Variants in DNAH6 observed in about 807,000 individuals in gnomAD.
DNAH6 encodes axonemal beta dynein heavy chain 6.
DNAH6 carries 340 observed loss-of-function variants against 491.4 expected under a neutral mutation model. That is an observed-to-expected ratio of 0.69 (90% CI 0.63 to 0.76). DNAH6 has a LOEUF of 0.76. DNAH6 is among the 30% of genes least tolerant of loss of function. The pLI is 0.00. For missense variants in DNAH6, 4,443 were observed against 4,972.2 expected (o/e 0.89, Z 3.20); for synonymous variants, 1,603 against 1,686.1 (o/e 0.95, Z 1.21).
intron 56 of DNAH6, among the ~76,000 whole-genome samples, chr2:84,712,507 G>T (rs563179591): frequency 6.6e-6 from 1 of 152,334 alleles, no homozygotes; most frequent in East Asian, 1.9e-4. Flanking sequence ...TAGAATAGGG[G>T]TTCATAGACT....
At chr2:84,600,611 T>C (rs915989978) in intron 18 of DNAH6, among the ~76,000 whole-genome samples, 1 of 152,158 alleles carries the variant, frequency 6.6e-6, no homozygotes, top group Non-Finnish European at 1.5e-5. Context: ...TGGATTTGTC[T>C]GAGATTTTTC....
intron 43 of DNAH6, among the ~76,000 whole-genome samples, chr2:84,685,844 A>T (rs572290738): frequency 6.6e-6 from 1 of 152,266 alleles, no homozygotes; most frequent in African/African-American, 2.4e-5. Context: ...AATTTATTAT[A>T]AAGTTTTAAG....
intron 14 of DNAH6, among the ~76,000 whole-genome samples, chr2:84,583,427 G>A (rs996863548): frequency 6.6e-6 from 1 of 152,226 alleles, no homozygotes; most frequent in African/African-American, 2.4e-5. Flanking sequence ...GCTCAGCTCT[G>A]AATAATTTAC....
intron 58 of DNAH6, among the ~76,000 whole-genome samples, chr2:84,717,135 C>G (rs1697614085): frequency 6.6e-6 from 1 of 152,186 alleles, no homozygotes; most frequent in African/African-American, 2.4e-5. Flanking sequence ...CTGTCCACCT[C>G]CTTCTGTCTT....
chr2:84,503,328 A>G, the DNAH6 span, among the ~76,000 whole-genome samples: 1 of 152,132 alleles, frequency 6.6e-6, no homozygotes, highest in Non-Finnish European at 1.5e-5. Context: ...TTGTTTCTAG[A>G]TATATCTTAT....
chr2:84,607,353 C>G (rs1685873930), intron 21 of DNAH6, among the ~76,000 whole-genome samples: 1 of 152,086 alleles, frequency 6.6e-6, no homozygotes, highest in African/African-American at 2.4e-5. Flanking sequence ...TTCCAAACCA[C>G]CATGATAACC....
In DNAH6 at chr2:84,709,526, A is replaced by T. The variant is rs1696835901; in HGVS notation, c.9232A>T (p.Met3078Leu). The T allele has an allele frequency of 1.3e-6, 2 of 1,551,704 alleles. No homozygotes were observed. The highest frequency in any genetic ancestry group is 8.7e-7 in the Non-Finnish European group (1 of 1,147,006). ...TACTCAAGGCAGAAGATGGCCTTTGATGATTGATCCCCAAGATCAGGTGTG... is the reference window on the plus strand; with the variant it reads ...TACTCAAGGCAGAAGATGGCCTTTGTTGATTGATCCCCAAGATCAGGTGTG... ...LVTQGRRWPL[M>L]IDPQDQANRW... is the part of the protein sequence containing the mutation. The change falls in exon 55 of 77, where the codon ATG becomes TTG. Residue 3078 changes from methionine to leucine, a missense_variant. By Grantham distance (15) the Met-to-Leu change is conservative. This residue lies in a region of DNAH6 where 1,463 missense variants were observed against 1,656.6 expected (regional missense o/e 0.88). Coordinates refer to ENST00000389394, the MANE Select transcript of DNAH6 (RefSeq NM_001370.2).
At position 84,808,429 on chromosome 2, in the gene DNAH6, G is replaced by C. The variant is rs895959669; in HGVS notation, c.11626G>C (p.Glu3876Gln). The change falls in exon 72 of 77, where the codon GAG (glutamate) becomes CAG (glutamine). Residue 3876 changes from glutamate (E) to glutamine (Q), a missense_variant. Around this residue, in one of 3 missense-constraint regions of DNAH6, gnomAD observed 1,463 missense variants for 1,656.6 expected, o/e 0.88. Coordinates refer to ENST00000389394, the MANE Select transcript of DNAH6 (RefSeq NM_001370.2). ...GTATGTTTCAGAAAAACTGGAAATG[G>C]AGGGTGCTTCTGAGAGCCTTTTTGT... The part of the protein sequence containing the change: ...QTRVPEKLEM[E>Q]GASESLFVKD... 9.8e-6 allele frequency: 15 copies of C among 1,537,382 alleles called. No homozygotes were observed. The highest frequency in any genetic ancestry group is 1.7e-4 in the Middle Eastern group (1 of 5,938).
intron 9 of DNAH6, among the ~76,000 whole-genome samples, chr2:84,550,858 G>A (rs1679276397): frequency 6.6e-6 from 1 of 152,186 alleles, no homozygotes. Context: ...GAGGTGAAAA[G>A]AAGCAAATTA....
intron 41 of DNAH6, 83 bp downstream of exon 41, chr2:84,677,219 G>T (rs1004752722): frequency 6.6e-7 from 1 of 1,516,402 alleles, no homozygotes; most frequent in Admixed American, 2.0e-5. Flanking sequence ...GTGGTGTCTT[G>T]TGTTTCTAAG....
At chr2:84,818,943 C>T (rs1230864193) in intron 76 of DNAH6, among the ~76,000 whole-genome samples, 2 of 151,998 alleles carry the variant, frequency 1.3e-5, no homozygotes, top group African/African-American at 4.8e-5. Context: ...CATGGTGGTA[C>T]GCACCTATAG....
intron 35 of DNAH6, 131 bp from the exon 36 acceptor site, chr2:84,658,161 T>C: frequency 1.8e-6 from 1 of 543,026 alleles, no homozygotes; most frequent in East Asian, 3.3e-5. Flanking sequence ...GTTTAATATG[T>C]TGTGATAGTT....
intron 70 of DNAH6, among the ~76,000 whole-genome samples, chr2:84,798,618 C>G (rs1489828648): frequency 6.6e-6 from 1 of 152,168 alleles, no homozygotes; most frequent in Non-Finnish European, 1.5e-5. Flanking sequence ...CAAGACAGGC[C>G]CCACCACCAC....
chr2:84,751,775 T>G (rs1427566503), intron 63 of DNAH6, among the ~76,000 whole-genome samples: 3 of 152,186 alleles, frequency 2.0e-5, no homozygotes, highest in African/African-American at 7.2e-5. Flanking sequence ...TCAGAATCAT[T>G]TGGGGGTCTT....
chr2:84,653,570 G>T lies in DNAH6; in HGVS notation c.5330G>T (p.Gly1777Val). The T allele has an allele frequency of 6.4e-7, 1 of 1,551,234 alleles. No individual in the cohort carries two copies. The highest frequency in any genetic ancestry group is 8.7e-7 in the Non-Finnish European group (1 of 1,146,706). Residue 1777 changes from glycine (G) to valine (V), a missense_variant, in exon 34 of 77, where the codon GGG (glycine) becomes GTG (valine). Around this residue, in one of 3 missense-constraint regions of DNAH6, gnomAD observed 2,977 missense variants for 3,296.6 expected, o/e 0.90. Transcript: ENST00000389394. ...AETLGNLQKL[G>V]IENSFYQAVK... ...ACTTTAGGGAATTTACAAAAACTTG[G>T]GATAGAAAATTCCTTTTACCAAGCA...
intron 21 of DNAH6, among the ~76,000 whole-genome samples, chr2:84,610,165 T>C (rs1841421): frequency 6.6e-6 from 1 of 152,090 alleles, no homozygotes; most frequent in Admixed American, 6.6e-5. Flanking sequence ...AATCTCTTGC[T>C]GGCACTCAGC....
chr2:84,718,318 G>A lies in DNAH6; in HGVS notation c.9726G>A (p.Met3242Ile). The A allele has an allele frequency of 6.4e-7, 1 of 1,551,296 alleles. No individual in the cohort carries two copies. ...CTATCGAAGAGAAAATCCTGAGAAT[G>A]CTCTTTACCTCTGAAGGAAATATTC... is the stretch of plus-strand genomic sequence containing the variant. ...LKTIEEKILR[M>I]LFTSEGNILD... Residue 3242 changes from methionine (M) to isoleucine (I), a missense_variant, in exon 59 of 77, where the codon ATG (methionine) becomes ATA (isoleucine). Transcript: ENST00000389394.
chr2:84,721,829 T>C (rs891664875), intron 59 of DNAH6, among the ~76,000 whole-genome samples: 1 of 152,214 alleles, frequency 6.6e-6, no homozygotes, highest in Non-Finnish European at 1.5e-5. Flanking sequence ...TGATTTTTCA[T>C]GGTCCCTGCT....
chr2:84,560,080 G>A (rs1438697245), intron 11 of DNAH6, among the ~76,000 whole-genome samples: 2 of 152,154 alleles, frequency 1.3e-5, no homozygotes, highest in East Asian at 3.8e-4. Context: ...TATAATTGGT[G>A]TGTCTGTAAG....
Sources: gnomAD v4.1 joint callset for allele counts (sites outside exome capture counted in the v4.1 genomes callset) on GRCh38, gnomAD v4.1.1 for gene constraint, gnomAD v4.1.1 regional missense constraint, MANE v1.5 for transcripts, NCBI Gene and HGNC (gene_info 2026-07-23, HGNC 2026-07-21) for gene names.